The following SSBP2 variants were observed in gnomAD, a reference collection of about 807,000 sequenced individuals.
The protein encoded by SSBP2 is single-stranded DNA-binding protein 2.
A neutral mutation model predicts 61.8 loss-of-function variants in SSBP2; 17 were observed. The observed-to-expected ratio is 0.28, with a 90% CI of 0.19 to 0.41. The LOEUF is 0.41. Among genes scored for constraint, SSBP2 ranks in the 10% least tolerant of loss-of-function variants. The probability of loss-of-function intolerance (pLI) is 1.00; values close to 1 mark genes in which losing one functional copy is unlikely to be tolerated. For synonymous variants in SSBP2, 139 were observed against 141.3 expected, an observed-to-expected ratio of 0.98 and a Z score of 0.12; for missense variants, 310 against 458.7, an observed-to-expected ratio of 0.68 and a Z score of 2.96.
chr5:81,593,022 T>C (rs1743250064), intron 4 of SSBP2, among the ~76,000 whole-genome samples: 1 of 152,064 alleles, frequency 6.6e-6, no homozygotes, highest in South Asian at 2.1e-4. Context: ...AGAAGAAGGC[T>C]TCAGACGATC....
intron 1 of SSBP2, among the ~76,000 whole-genome samples, chr5:81,668,942 T>C (rs1290967798): frequency 6.6e-6 from 1 of 152,070 alleles, no homozygotes; most frequent in African/African-American, 2.4e-5. Context: ...GTCTCTACCA[T>C]CTCAGTACAG....
At chr5:81,546,285 T>A (rs1047279272) in intron 4 of SSBP2, among the ~76,000 whole-genome samples, 5 of 152,222 alleles carry the variant, frequency 3.3e-5, no homozygotes. Context: ...ATTTTATGAT[T>A]CAGTTCTAAT....
intron 1 of SSBP2, among the ~76,000 whole-genome samples, chr5:81,736,143 A>AACACACACACACACAC (rs58588638): frequency 3.3e-4 from 25 of 75,408 alleles, no homozygotes; most frequent in African/African-American, 8.0e-4. Flanking sequence ...ACTACCCTGA[A>AACACACACACACACAC]ACACACACAC....
chr5:81,471,805 C>G (rs1765261953), intron 8 of SSBP2, among the ~76,000 whole-genome samples: 1 of 151,642 alleles, frequency 6.6e-6, no homozygotes, highest in Non-Finnish European at 1.5e-5. Context: ...TTCCTCTTTC[C>G]TTGGAACTGT....
In SSBP2 at chr5:81,731,772, G is replaced by A. The variant is rs560191572; in HGVS notation, c.62+19209C>T. 5.3e-4 allele frequency among the ~76,000 whole-genome samples: 81 copies of A among 151,754 alleles called. 2 individuals carry two copies. The highest frequency in any genetic ancestry group is 4.0e-4 in the Non-Finnish European group (27 of 67,900). On this transcript the variant is annotated intron_variant, in intron 1 of 16. Coordinates refer to ENST00000320672, the MANE Select transcript of SSBP2 (RefSeq NM_012446.5). The stretch of plus-strand genomic sequence containing the variant: ...CTCCTCTATTGCTTATGTAAGATAT[G>A]ATGGTGATAAGATAAACCCCAAACA...
At chr5:81,717,147 G>GC (rs1755217980) in intron 1 of SSBP2, among the ~76,000 whole-genome samples, 1 of 152,084 alleles carries the variant, frequency 6.6e-6, no homozygotes, top group Non-Finnish European at 1.5e-5. Context: ...TGGCCAGAAT[G>GC]CAAGATCCTG....
At chr5:81,649,067 T>C (rs568972292) in intron 2 of SSBP2, among the ~76,000 whole-genome samples, 3 of 152,174 alleles carry the variant, frequency 2.0e-5, no homozygotes, top group Non-Finnish European at 4.4e-5. Flanking sequence ...AGCACAGATA[T>C]AGAGGAAAAA....
chr5:81,724,271 G>C (rs35555619), intron 1 of SSBP2, among the ~76,000 whole-genome samples: 19,858 of 151,856 alleles, frequency 0.13, 1,349 homozygotes, highest in Admixed American at 0.16. Flanking sequence ...GTCATCCCAT[G>C]GTAATTCTCT....
At chr5:81,474,748 G>A (rs1418855682) in intron 6 of SSBP2, among the ~76,000 whole-genome samples, 186 bp from the exon 7 acceptor site, 1 of 151,970 alleles carries the variant, frequency 6.6e-6, no homozygotes, top group East Asian at 1.9e-4. Context: ...TAAGTTCTTA[G>A]TTCTAAAAAG....
At chr5:81,445,148 A>C (rs1561407474) in intron 12 of SSBP2, among the ~76,000 whole-genome samples, 1 of 73,042 alleles carries the variant, frequency 1.4e-5, no homozygotes, top group African/African-American at 6.0e-5. Context: ...TTATATATAT[A>C]TATATATATA....
At chr5:81,669,815 GA>G (rs962759625) in intron 1 of SSBP2, among the ~76,000 whole-genome samples, 210 of 150,148 alleles carry the variant, frequency 1.4e-3, no homozygotes, top group African/African-American at 4.7e-3. Context: ...AAAGAAGGCA[GA>G]AAAAAAAGAA....
At chr5:81,434,861 C>T (rs955518814) in intron 15 of SSBP2, among the ~76,000 whole-genome samples, 1 of 151,962 alleles carries the variant, frequency 6.6e-6, no homozygotes, top group African/African-American at 2.4e-5. Flanking sequence ...ACTGTGTATA[C>T]CTCGTAGTCA....
At chr5:81,434,104 G>A (rs1263450681) in intron 15 of SSBP2, among the ~76,000 whole-genome samples, 2 of 152,126 alleles carry the variant, frequency 1.3e-5, no homozygotes, top group African/African-American at 2.4e-5. Flanking sequence ...ACGTGTCCCT[G>A]CAACTTGTAA....
intron 1 of SSBP2, among the ~76,000 whole-genome samples, chr5:81,657,262 A>G (rs187569367): frequency 3.3e-4 from 50 of 152,334 alleles, no homozygotes; most frequent in Admixed American, 2.9e-3. Flanking sequence ...CAGAAAGCCA[A>G]ACAATTTATA....
Position 81,650,988 on chromosome 5 carries a change from T to C in SSBP2, c.63-649A>G, listed in dbSNP as rs76279315. On this transcript the variant is annotated intron_variant, in intron 1 of 16. Coordinates refer to ENST00000320672, the MANE Select transcript of SSBP2 (RefSeq NM_012446.5). ...GTTTAAAGGTTAACAAAATTATGTA[T>C]AAATTTTTCATTCAAATATAGAATA... Among the ~76,000 whole-genome samples, 891 of 152,260 alleles carry C rather than the reference T, an allele frequency of 5.9e-3. 31 individuals are homozygous for C. In the East Asian group the frequency reaches 0.13, roughly 22 times the overall value.
intron 4 of SSBP2, among the ~76,000 whole-genome samples, chr5:81,522,100 G>C (rs910924381): frequency 1.3e-5 from 2 of 151,964 alleles, no homozygotes; most frequent in Non-Finnish European, 2.9e-5. Flanking sequence ...TGTGTTCTGT[G>C]ATATATTTAC....
At chr5:81,711,094 A>G (rs1754749509) in intron 1 of SSBP2, among the ~76,000 whole-genome samples, 1 of 152,062 alleles carries the variant, frequency 6.6e-6, no homozygotes, top group African/African-American at 2.4e-5. Flanking sequence ...TCAGGCATAA[A>G]CTTAAATAGT....
At chr5:81,573,540 C>G (rs955174842) in intron 4 of SSBP2, among the ~76,000 whole-genome samples, 2 of 152,188 alleles carry the variant, frequency 1.3e-5, no homozygotes, top group Admixed American at 6.5e-5. Context: ...GCATAGATAT[C>G]ACTCATAGGA....
intron 4 of SSBP2, among the ~76,000 whole-genome samples, chr5:81,544,518 C>G (rs1771578310): frequency 6.6e-6 from 1 of 152,118 alleles, no homozygotes; most frequent in African/African-American, 2.4e-5. Flanking sequence ...AACTTACATT[C>G]TTTGGAGAAA....
Sources: allele counts gnomAD v4.1 joint callset (sites outside exome capture counted in the v4.1 genomes callset), GRCh38; gene constraint gnomAD v4.1.1; transcripts MANE v1.5; gene names NCBI Gene and HGNC (gene_info 2026-07-23, HGNC 2026-07-21).